RTN4: variants seen among roughly 807,000 people sequenced by gnomAD.
RTN4 encodes reticulon 4.
Under a neutral mutation model 90.4 loss-of-function variants are expected in RTN4, and 32 were observed. The observed-to-expected ratio is 0.35, with a 90% CI of 0.27 to 0.48. RTN4 has a LOEUF of 0.48. Among genes scored for constraint, RTN4 ranks in the 20% least tolerant of loss-of-function variants. RTN4 has a pLI of 0.99. For synonymous variants in RTN4, 629 were observed against 552.5 expected (o/e 1.14, Z -1.94); for missense variants, 1,706 against 1,430.2 (o/e 1.19, Z -3.11).
intron 1 of RTN4, among the ~76,000 whole-genome samples, chr2:55,090,331 A>G (rs955012523): frequency 1.3e-5 from 2 of 152,222 alleles, no homozygotes; most frequent in African/African-American, 4.8e-5. Context: ...TTACAGTATT[A>G]CCTTCACACT....
chr2:55,071,696 C>A (rs74385989), intron 2 of RTN4, among the ~76,000 whole-genome samples: 6,954 of 152,232 alleles, frequency 0.046, 500 homozygotes, highest in African/African-American at 0.15. Context: ...AGCCCATACC[C>A]TTCACTGATG....
intron 3 of RTN4, among the ~76,000 whole-genome samples, chr2:55,021,851 A>G (rs1371079165): frequency 6.6e-6 from 1 of 152,180 alleles, no homozygotes; most frequent in Admixed American, 6.5e-5. Context: ...TAGAATATAT[A>G]TATTGGGTGT....
chr2:55,079,502 C>T (rs985161350), intron 2 of RTN4, among the ~76,000 whole-genome samples: 18 of 152,156 alleles, frequency 1.2e-4, no homozygotes, highest in Non-Finnish European at 2.4e-4. Context: ...TGGCAGAAGA[C>T]GATGAGCTTC....
At chr2:55,058,908 G>T (rs1297534249) in intron 2 of RTN4, among the ~76,000 whole-genome samples, 1 of 151,868 alleles carries the variant, frequency 6.6e-6, no homozygotes, top group Non-Finnish European at 1.5e-5. Context: ...GGGTCTCACT[G>T]TGTTGCCCAG....
chr2:55,034,572 AG>A (rs1207824155), intron 1 of RTN4, among the ~76,000 whole-genome samples: 17 of 152,354 alleles, frequency 1.1e-4, no homozygotes, highest in Admixed American at 1.1e-3. Context: ...AGCTGAAAAC[AG>A]AAGCTGAAAG....
At chr2:55,062,111 A>G (rs1668306954) in intron 2 of RTN4, among the ~76,000 whole-genome samples, 1 of 152,142 alleles carries the variant, frequency 6.6e-6, no homozygotes, top group Non-Finnish European at 1.5e-5. Context: ...GGGCTGTCAG[A>G]GAAGAGTCGG....
At chr2:55,013,608 T>TTGG (rs761530738) in intron 3 of RTN4, among the ~76,000 whole-genome samples, 4 of 62,544 alleles carry the variant, frequency 6.4e-5, no homozygotes, top group Admixed American at 4.0e-4. Context: ...GGTTTTTTTT[T>TTGG]GGGGGGGGGG....
the RTN4 span, among the ~76,000 whole-genome samples, chr2:55,136,493 T>C: frequency 6.6e-5 from 10 of 152,232 alleles, no homozygotes; most frequent in African/African-American, 1.9e-4. Flanking sequence ...CTTCCTTTTG[T>C]TCCTGCGCTA....
intron 1 of RTN4, among the ~76,000 whole-genome samples, chr2:55,048,682 A>G (rs1385441653): frequency 6.6e-6 from 1 of 152,154 alleles, no homozygotes; most frequent in Non-Finnish European, 1.5e-5. Context: ...ACGTGACCGT[A>G]TTTTGATTCT....
At chr2:55,118,760 G>A in the RTN4 span, among the ~76,000 whole-genome samples, 1 of 152,180 alleles carries the variant, frequency 6.6e-6, no homozygotes, top group Non-Finnish European at 1.5e-5. Flanking sequence ...ATGGAACCCT[G>A]AAAAGAGACT....
intron 6 of RTN4, chr2:54,974,171 AC>A (rs1677402748): frequency 3.3e-6 from 1 of 304,992 alleles, no homozygotes; most frequent in Non-Finnish European, 6.1e-6. Flanking sequence ...ATATAAAGCC[AC>A]CCTTTATCTG....
At chr2:55,116,029 T>C (rs906019849), upstream of RTN4, among the ~76,000 whole-genome samples, 2 of 151,696 alleles carry the variant, frequency 1.3e-5, no homozygotes, top group African/African-American at 4.8e-5. Flanking sequence ...TTGTGGCCAT[T>C]AGCTTCCATT....
intron 3 of RTN4, among the ~76,000 whole-genome samples, chr2:55,016,322 C>A (rs1263812675): frequency 6.6e-6 from 1 of 152,134 alleles, no homozygotes; most frequent in Non-Finnish European, 1.5e-5. Context: ...CTGGTTCATG[C>A]CTTTAATCCC....
intron 3 of RTN4, among the ~76,000 whole-genome samples, chr2:55,007,636 T>C (rs1413217887): frequency 1.3e-5 from 2 of 152,120 alleles, no homozygotes; most frequent in African/African-American, 2.4e-5. Context: ...CCCAACAATA[T>C]GAATTACACC....
At chr2:55,081,708 T>C (rs1000505811) in intron 1 of RTN4, among the ~76,000 whole-genome samples, 4 of 151,800 alleles carry the variant, frequency 2.6e-5, no homozygotes, top group Non-Finnish European at 4.4e-5. Flanking sequence ...CAAAAATTTT[T>C]TTTAATTACC....
At chr2:55,077,336 T>C (rs186584326) in intron 2 of RTN4, among the ~76,000 whole-genome samples, 19 of 152,242 alleles carry the variant, frequency 1.2e-4, no homozygotes, top group Admixed American at 3.3e-4. Context: ...TATAGCAGCA[T>C]GAGAACGGAC....
intron 1 of RTN4, among the ~76,000 whole-genome samples, chr2:55,034,143 T>G (rs558762004): frequency 1.5e-4 from 23 of 152,192 alleles, no homozygotes; most frequent in Non-Finnish European, 2.8e-4. Flanking sequence ...TCCCTGTTTT[T>G]GGTGGCTATA....
intron 2 of RTN4, among the ~76,000 whole-genome samples, chr2:55,074,766 G>A (rs1439934003): frequency 6.6e-6 from 1 of 152,068 alleles, no homozygotes; most frequent in African/African-American, 2.4e-5. Context: ...ATAAAGGGAT[G>A]GTTTAACATC....
intron 2 of RTN4, among the ~76,000 whole-genome samples, chr2:55,065,587 A>G (rs992257334): frequency 3.2e-4 from 49 of 152,214 alleles, no homozygotes; most frequent in African/African-American, 1.2e-3. Flanking sequence ...ATGGTTTGCA[A>G]TAAAAAGAGC....
Sources: gnomAD v4.1 joint callset for allele counts (sites outside exome capture counted in the v4.1 genomes callset) on GRCh38, gnomAD v4.1.1 for gene constraint, MANE v1.5 for transcripts, NCBI Gene and HGNC (gene_info 2026-07-23, HGNC 2026-07-21) for gene names.